The following KHDRBS2 variants were observed in gnomAD, a reference collection of about 807,000 sequenced individuals.
The protein encoded by KHDRBS2 is KH domain-containing, RNA-binding, signal transduction-associated protein 2.
A neutral mutation model predicts 44.3 loss-of-function variants in KHDRBS2; 26 were observed. The observed-to-expected ratio is 0.59, with a 90% CI of 0.43 to 0.81. KHDRBS2 has a LOEUF of 0.81. KHDRBS2 is among the 40% of genes least tolerant of loss of function. KHDRBS2 has a pLI of 0.00. For synonymous variants in KHDRBS2, 194 were observed against 151.1 expected, an observed-to-expected ratio of 1.28 and a Z score of -2.08; for missense variants, 476 against 433.1, an observed-to-expected ratio of 1.10 and a Z score of -0.88.
chr6:61,735,078 AT>A (rs1775118406), intron 6 of KHDRBS2, among the ~76,000 whole-genome samples: 4 of 152,034 alleles, frequency 2.6e-5, no homozygotes, highest in Non-Finnish European at 5.9e-5. Context: ...TTGGAGAAAA[AT>A]ATTTTGATTC....
intron 4 of KHDRBS2, among the ~76,000 whole-genome samples, chr6:61,974,393 T>C (rs1772063163): frequency 7.4e-6 from 1 of 134,376 alleles, no homozygotes; most frequent in African/African-American, 2.5e-5. Flanking sequence ...CTTACCTCTT[T>C]ATAGAATATA....
At chr6:62,137,740 A>C (rs1388463889) in intron 2 of KHDRBS2, among the ~76,000 whole-genome samples, 1 of 152,128 alleles carries the variant, frequency 6.6e-6, no homozygotes, top group African/African-American at 2.4e-5. Context: ...CCCCAAGGCA[A>C]CGTATAAAGT....
intron 6 of KHDRBS2, among the ~76,000 whole-genome samples, chr6:61,866,635 C>T (rs1030378772): frequency 6.6e-6 from 1 of 152,192 alleles, no homozygotes; most frequent in African/African-American, 2.4e-5. Context: ...ATCACATTAT[C>T]AGGTTGCAAC....
At chr6:61,839,222 T>C (rs1466203329) in intron 6 of KHDRBS2, among the ~76,000 whole-genome samples, 4 of 152,120 alleles carry the variant, frequency 2.6e-5, no homozygotes, top group African/African-American at 9.7e-5. Context: ...CAATATCTAC[T>C]TTTCTTACAT....
At chr6:61,674,781 C>T in the KHDRBS2 span, among the ~76,000 whole-genome samples, 1 of 151,664 alleles carries the variant, frequency 6.6e-6, no homozygotes, top group Non-Finnish European at 1.5e-5. Context: ...ACTCAGCCAG[C>T]TCAAATTACT....
At chr6:61,863,362 T>C (rs1450619540) in intron 6 of KHDRBS2, among the ~76,000 whole-genome samples, 6 of 151,354 alleles carry the variant, frequency 4.0e-5, no homozygotes, top group Admixed American at 2.0e-4. Flanking sequence ...GGTTCTCTAG[T>C]TTTTTTAGTT....
chr6:62,032,690 T>C (rs560185604), intron 3 of KHDRBS2, among the ~76,000 whole-genome samples: 6 of 152,026 alleles, frequency 3.9e-5, no homozygotes, highest in African/African-American at 9.6e-5. Flanking sequence ...AAACAACTTA[T>C]ATCACAAAAT....
intron 1 of KHDRBS2, among the ~76,000 whole-genome samples, chr6:62,245,925 T>C (rs1835469337): frequency 6.6e-6 from 1 of 151,712 alleles, no homozygotes. Flanking sequence ...AATACAAGAA[T>C]GGGCAGGGCC....
At chr6:61,589,763 G>A in the KHDRBS2 span, among the ~76,000 whole-genome samples, 3 of 152,142 alleles carry the variant, frequency 2.0e-5, no homozygotes, top group African/African-American at 7.2e-5. Context: ...GCCAAAAAGA[G>A]ATGTTTGTGG....
intron 6 of KHDRBS2, among the ~76,000 whole-genome samples, chr6:61,766,020 C>A (rs1167502079): frequency 1.3e-5 from 2 of 151,940 alleles, no homozygotes; most frequent in African/African-American, 2.4e-5. Flanking sequence ...AGTCTTCCGT[C>A]CTCTATTTTT....
intron 6 of KHDRBS2, among the ~76,000 whole-genome samples, chr6:61,886,551 C>T (rs1800984820): frequency 6.6e-6 from 1 of 151,938 alleles, no homozygotes; most frequent in Admixed American, 6.6e-5. Flanking sequence ...CTGTGTTCTA[C>T]TGTCATTATA....
chr6:61,985,043 C>A (rs1178561450), intron 3 of KHDRBS2, among the ~76,000 whole-genome samples: 1 of 152,140 alleles, frequency 6.6e-6, no homozygotes. Flanking sequence ...CCTCTCCCAC[C>A]TAGTCCCTCC....
chr6:61,810,687 A>C (rs1787979751), intron 6 of KHDRBS2, among the ~76,000 whole-genome samples: 1 of 152,138 alleles, frequency 6.6e-6, no homozygotes, highest in Admixed American at 6.6e-5. Context: ...AAAGACAGCA[A>C]AAATACTGAC....
At chr6:62,130,589 A>G (rs1810061573) in intron 2 of KHDRBS2, among the ~76,000 whole-genome samples, 1 of 151,984 alleles carries the variant, frequency 6.6e-6, no homozygotes, top group Non-Finnish European at 1.5e-5. Context: ...TATATTGATG[A>G]TTTATATGTT....
chr6:61,750,541 C>T (rs1391879457), intron 6 of KHDRBS2, among the ~76,000 whole-genome samples: 2 of 152,090 alleles, frequency 1.3e-5, no homozygotes, highest in Non-Finnish European at 1.5e-5. Context: ...CCGTCAGTTT[C>T]GCCTGTTCAA....
At chr6:61,665,804 A>G in the KHDRBS2 span, among the ~76,000 whole-genome samples, 3 of 151,064 alleles carry the variant, frequency 2.0e-5, no homozygotes, top group African/African-American at 7.2e-5. Context: ...TAATAATTTA[A>G]TTTTGAAATT....
At chr6:61,824,180 A>G (rs569576387) in intron 6 of KHDRBS2, among the ~76,000 whole-genome samples, 8 of 152,206 alleles carry the variant, frequency 5.3e-5, no homozygotes, top group Non-Finnish European at 1.2e-4. Context: ...TAGTCAAATG[A>G]TATGGTTTGG....
intron 1 of KHDRBS2, among the ~76,000 whole-genome samples, chr6:62,177,861 A>T (rs1821458257): frequency 6.6e-6 from 1 of 151,428 alleles, no homozygotes; most frequent in Non-Finnish European, 1.5e-5. Context: ...AAATGCTAAC[A>T]TTCATATTCA....
chr6:62,122,099 A>C (rs1289102893), intron 2 of KHDRBS2, among the ~76,000 whole-genome samples: 1 of 152,110 alleles, frequency 6.6e-6, no homozygotes, highest in South Asian at 2.1e-4. Flanking sequence ...GAACAGAAGA[A>C]GGCTCTGCAA....
Sources: gnomAD v4.1 joint callset for allele counts (sites outside exome capture counted in the v4.1 genomes callset) on GRCh38, gnomAD v4.1.1 for gene constraint, MANE v1.5 for transcripts, NCBI Gene and HGNC (gene_info 2026-07-23, HGNC 2026-07-21) for gene names.